SHB: variants seen among roughly 807,000 people sequenced by gnomAD.
SHB encodes SH2 domain-containing adapter protein B.
A neutral mutation model predicts 52.3 loss-of-function variants in SHB; 20 were observed. The ratio of observed to expected loss-of-function variants is 0.38; its 90% CI spans 0.27 to 0.56. The LOEUF is 0.56. SHB is among the 20% of genes least tolerant of loss of function. SHB has a pLI of 0.71. For missense variants in SHB, 825 were observed against 723.3 expected (o/e 1.14, Z -1.61); for synonymous variants, 397 against 316.5 (o/e 1.25, Z -2.70).
chr9:37,990,058 T>C (rs1270852621), intron 2 of SHB, among the ~76,000 whole-genome samples: 2 of 152,150 alleles, frequency 1.3e-5, no homozygotes, highest in African/African-American at 2.4e-5. Flanking sequence ...GGTTCCAGAC[T>C]GTGTGAAAGA....
intron 3 of SHB, among the ~76,000 whole-genome samples, chr9:37,972,690 C>A (rs1820605756): frequency 6.6e-6 from 1 of 152,098 alleles, no homozygotes; most frequent in Non-Finnish European, 1.5e-5. Flanking sequence ...TAGAATTGTT[C>A]CAGATAAGAC....
chr9:37,957,577 A>C (rs1832650105), intron 3 of SHB, among the ~76,000 whole-genome samples: 1 of 152,216 alleles, frequency 6.6e-6, no homozygotes, highest in South Asian at 2.1e-4. Flanking sequence ...GCGTGTGGCC[A>C]GCCTGCTACC....
At chr9:37,981,179 C>A (rs1029090599) in intron 2 of SHB, among the ~76,000 whole-genome samples, 9 of 152,216 alleles carry the variant, frequency 5.9e-5, no homozygotes, top group African/African-American at 2.2e-4. Flanking sequence ...TAGATGGCAT[C>A]TTCTTCCAAT....
At chr9:38,001,986 A>G (rs1045883103) in intron 2 of SHB, among the ~76,000 whole-genome samples, 4 of 51,264 alleles carry the variant, frequency 7.8e-5, no homozygotes, top group African/African-American at 2.1e-4. Flanking sequence ...GGCTCTGAGC[A>G]CAGACTCTTT....
chr9:38,031,181 C>T (rs1037224348), intron 1 of SHB, among the ~76,000 whole-genome samples: 4 of 151,944 alleles, frequency 2.6e-5, no homozygotes, highest in African/African-American at 7.3e-5. Flanking sequence ...ATTAGCTGGG[C>T]GTGGTGGTGT....
intron 3 of SHB, among the ~76,000 whole-genome samples, chr9:37,967,424 A>G (rs1820539652): frequency 6.6e-6 from 1 of 152,182 alleles, no homozygotes; most frequent in Non-Finnish European, 1.5e-5. Flanking sequence ...ACCATAGCAT[A>G]AGCACCCCAC....
In SHB at chr9:37,988,032, G is replaced by A. The variant is rs533140999; in HGVS notation, c.839-13195C>T. 1.8e-4 allele frequency among the ~76,000 whole-genome samples: 27 copies of A among 152,292 alleles called. No individual in the cohort carries two copies. In the South Asian group the frequency reaches 1.9e-3, roughly 11 times the overall value. ...GTAGCCCCACCTGTATACCTGGGGC[G>A]TCACAGGGTCACTGCCTCAAGCTGA... On this transcript the variant is annotated intron_variant, in intron 2 of 5. Coordinates refer to ENST00000377707, the MANE Select transcript of SHB (RefSeq NM_003028.3).
At chr9:38,031,707 G>A (rs1476195355) in intron 1 of SHB, among the ~76,000 whole-genome samples, 1 of 152,168 alleles carries the variant, frequency 6.6e-6, no homozygotes, top group African/African-American at 2.4e-5. Flanking sequence ...CACCAACACA[G>A]CACTTGACAA....
chr9:37,968,728 T>C (rs1820560407), intron 3 of SHB, among the ~76,000 whole-genome samples: 1 of 152,192 alleles, frequency 6.6e-6, no homozygotes, highest in South Asian at 2.1e-4. Context: ...ACTTCTCAGA[T>C]ACAAGTGCAA....
In SHB at chr9:38,064,474, CAT is replaced by C. The variant is rs563476475; in HGVS notation, c.717+3453_717+3454del. 6.9e-3 allele frequency among the ~76,000 whole-genome samples: 1,049 copies of C among 152,364 alleles called. 9 individuals carry two copies. The highest frequency in any genetic ancestry group is 0.014 in the Admixed American group (210 of 15,304). On this transcript the variant is annotated intron_variant, in intron 1 of 5. Coordinates refer to ENST00000377707, the MANE Select transcript of SHB (RefSeq NM_003028.3). ...ATACACACACGTCTATGTTCACACA[CAT>C]GTATACACTTACATATACACACCCT...
rs771703161 is a variant in SHB, at chr9:37,918,129, T to A, written c.*1692A>T. ...CTGATGACATTCAAACTCGGCCCCTTGTGCTCTGCCCAGGTGGGCCAGGGA... is the reference window on the plus strand; with the variant it reads ...CTGATGACATTCAAACTCGGCCCCTAGTGCTCTGCCCAGGTGGGCCAGGGA... On this transcript the variant is annotated 3_prime_UTR_variant, in exon 6 of 6. Coordinates refer to ENST00000377707, the MANE Select transcript of SHB (RefSeq NM_003028.3). 6.6e-6 allele frequency among the ~76,000 whole-genome samples: 1 copy of A among 152,244 alleles called. No individual in the cohort carries two copies. The highest frequency in any genetic ancestry group is 6.5e-5 in the Admixed American group (1 of 15,288).
At chr9:38,051,048 A>G (rs1428349638) in intron 1 of SHB, among the ~76,000 whole-genome samples, 1 of 152,176 alleles carries the variant, frequency 6.6e-6, no homozygotes, top group Non-Finnish European at 1.5e-5. Context: ...TCCTCAAAAC[A>G]GTTTGCCTGG....
chr9:38,011,162 T>A (rs1821137322), intron 2 of SHB, among the ~76,000 whole-genome samples: 1 of 152,098 alleles, frequency 6.6e-6, no homozygotes, highest in Non-Finnish European at 1.5e-5. Flanking sequence ...ACCTTAAGCC[T>A]GGGATCAAGA....
intron 2 of SHB, among the ~76,000 whole-genome samples, chr9:37,991,744 T>C (rs1366050607): frequency 6.6e-6 from 1 of 152,182 alleles, no homozygotes; most frequent in East Asian, 1.9e-4. Flanking sequence ...GTGATGCCCA[T>C]CACCCAATTT....
At chr9:37,947,494 G>A (rs959641618) in intron 5 of SHB, among the ~76,000 whole-genome samples, 5 of 152,166 alleles carry the variant, frequency 3.3e-5, no homozygotes, top group African/African-American at 7.2e-5. Flanking sequence ...TCCCCACCCC[G>A]TGTCCACATG....
chr9:37,944,248 G>A (rs1215320585), intron 5 of SHB, among the ~76,000 whole-genome samples: 2 of 152,182 alleles, frequency 1.3e-5, no homozygotes, highest in Non-Finnish European at 2.9e-5. Context: ...GTGGGTCACT[G>A]CAAGTGCAGA....
intron 1 of SHB, among the ~76,000 whole-genome samples, chr9:38,020,999 T>C (rs949977024): frequency 1.3e-5 from 2 of 152,174 alleles, no homozygotes; most frequent in African/African-American, 4.8e-5. Context: ...ACTGCAGAAA[T>C]GCAAAGGGAA....
chr9:37,967,985 T>C (rs1229967843), intron 3 of SHB, among the ~76,000 whole-genome samples: 1 of 152,208 alleles, frequency 6.6e-6, no homozygotes, highest in Non-Finnish European at 1.5e-5. Context: ...AATTGGGATA[T>C]GGGGTTTCCT....
rs370974481 is a variant in SHB at position 38,016,153 on chromosome 9, G to A, written c.718-22C>T. The A allele has an allele frequency of 5.6e-6, 9 of 1,613,502 alleles. No individual in the cohort carries two copies. The African/African-American group carries it at 6.7e-5, about 12-fold the overall frequency. On this transcript the variant is annotated intron_variant, in intron 1 of 5. Coordinates refer to ENST00000377707, the MANE Select transcript of SHB (RefSeq NM_003028.3). ...TCACCTGCAGGGAGGAAGATGGCAG[G>A]TGTGAGTCCACCTTTGGCTTTTTTG...
Sources: allele counts gnomAD v4.1 joint callset (sites outside exome capture counted in the v4.1 genomes callset), GRCh38; gene constraint gnomAD v4.1.1; transcripts MANE v1.5; gene names NCBI Gene and HGNC (gene_info 2026-07-23, HGNC 2026-07-21).